MYT1L: variants seen among roughly 807,000 people sequenced by gnomAD.
MYT1L encodes the protein myelin transcription factor 1 like, also known as myelin transcription factor 1-like protein.
In MYT1L, 12 loss-of-function variants were observed where a neutral mutation model predicts 126.7. The ratio of observed to expected loss-of-function variants is 0.09; its 90% CI spans 0.06 to 0.15. The LOEUF (loss-of-function observed/expected upper bound fraction) is 0.15. MYT1L is among the 10% of genes least tolerant of loss of function. The pLI is 1.00. For missense variants in MYT1L, 979 were observed against 1,585.2 expected, an observed-to-expected ratio of 0.62 and a Z score of 6.49; for synonymous variants, 541 against 604.2, an observed-to-expected ratio of 0.90 and a Z score of 1.53.
chr2:1,966,732 T>C (rs542137970), intron 8 of MYT1L, among the ~76,000 whole-genome samples: 2 of 151,554 alleles, frequency 1.3e-5, no homozygotes, highest in South Asian at 4.2e-4. Context: ...AACTAAAACA[T>C]TTAATGGGTA....
intron 8 of MYT1L, among the ~76,000 whole-genome samples, chr2:1,970,435 C>T (rs1308665476): frequency 1.3e-5 from 2 of 152,208 alleles, no homozygotes; most frequent in African/African-American, 2.4e-5. Context: ...CCCCAGCCCC[C>T]ATCTCACCAG....
chr2:2,042,913 G>A (rs1016935443), intron 4 of MYT1L, among the ~76,000 whole-genome samples: 5 of 152,160 alleles, frequency 3.3e-5, no homozygotes, highest in African/African-American at 1.2e-4. Context: ...CTGCAGGCAG[G>A]GTCTTCCCAA....
At chr2:1,821,387 T>G (rs1393607161) in intron 21 of MYT1L, among the ~76,000 whole-genome samples, 1 of 152,188 alleles carries the variant, frequency 6.6e-6, no homozygotes, top group Non-Finnish European at 1.5e-5. Flanking sequence ...ATTTTACATT[T>G]TAACTTTCAA....
intron 3 of MYT1L, among the ~76,000 whole-genome samples, chr2:2,088,274 T>G (rs114651712): frequency 5.9e-5 from 9 of 152,140 alleles, no homozygotes; most frequent in Non-Finnish European, 1.2e-4. Flanking sequence ...ATAAAATGCA[T>G]TGGGAGAGCA....
At chr2:1,849,602 C>T (rs531512690) in intron 19 of MYT1L, among the ~76,000 whole-genome samples, 2 of 152,344 alleles carry the variant, frequency 1.3e-5, no homozygotes, top group East Asian at 3.9e-4. Flanking sequence ...CCCAGGGGTG[C>T]CGCACAGGTC....
intron 2 of MYT1L, among the ~76,000 whole-genome samples, chr2:2,197,170 G>A (rs921643795): frequency 1.3e-5 from 2 of 152,126 alleles, no homozygotes; most frequent in African/African-American, 4.8e-5. Context: ...AAATATGGCT[G>A]AGAAATAGAT....
intron 22 of MYT1L, among the ~76,000 whole-genome samples, chr2:1,805,625 CCTGTAAT>C (rs2147951182): frequency 6.6e-6 from 1 of 152,284 alleles, no homozygotes; most frequent in South Asian, 2.1e-4. Context: ...GTGGCTTACA[CCTGTAAT>C]CCCAGCACTT....
chr2:2,058,086 T>C (rs1366350289), intron 3 of MYT1L, among the ~76,000 whole-genome samples: 1 of 152,238 alleles, frequency 6.6e-6, no homozygotes, highest in Non-Finnish European at 1.5e-5. Flanking sequence ...TTTCTCATTG[T>C]CTTAGTCAAA....
At chr2:1,804,427 T>C (rs1448276377) in intron 22 of MYT1L, among the ~76,000 whole-genome samples, 1 of 152,092 alleles carries the variant, frequency 6.6e-6, no homozygotes, top group Non-Finnish European at 1.5e-5. Flanking sequence ...CAGCCACAAC[T>C]AGGGTTTTAT....
intron 1 of MYT1L, among the ~76,000 whole-genome samples, chr2:2,297,002 G>T (rs2095704760): frequency 6.6e-6 from 1 of 152,210 alleles, no homozygotes; most frequent in African/African-American, 2.4e-5. Context: ...GGAAGCTGGA[G>T]GACCTTTCGG....
In MYT1L at chr2:2,068,906, C is replaced by T. The variant is rs980376500; in HGVS notation, c.-303-14783G>A. 3.3e-5 allele frequency among the ~76,000 whole-genome samples: 5 copies of T among 150,040 alleles called. No individual in the cohort carries two copies. The Admixed American group carries it at 3.4e-4, about 10-fold the overall frequency. ...TTGGTAAGTAGGATAAGAACATTTC[C>T]CTCTATGAATCTGATTTTAAAATTC... On this transcript the variant is annotated intron_variant, in intron 3 of 24. Coordinates refer to ENST00000647738, the MANE Select transcript of MYT1L (RefSeq NM_001303052.2).
rs890452802 is a variant in MYT1L, at chr2:1,806,921, C to T, written c.3172+2155G>A. Among the ~76,000 whole-genome samples the T allele has an allele frequency of 1.3e-5, 2 of 152,196 alleles. No individual in the cohort carries two copies. Among genetic ancestry groups the T allele is most frequent in the Admixed American group, 6.5e-5 (1 of 15,282 alleles). ...CCCTCTAAGTATTTTGAAAAGCGCC[C>T]GGCATGCAGATGGGGCTTAGGGAAT... On this transcript the variant is annotated intron_variant, in intron 22 of 24. Coordinates refer to ENST00000647738, the MANE Select transcript of MYT1L (RefSeq NM_001303052.2). This position sits in a 1 kb window ranked among gnomAD's most constrained non-coding sequence, Gnocchi z 4.9.
intron 2 of MYT1L, among the ~76,000 whole-genome samples, chr2:2,272,259 C>CT (rs1229990514): frequency 2.6e-5 from 4 of 152,166 alleles, no homozygotes; most frequent in African/African-American, 4.8e-5. Context: ...CCCAACACTG[C>CT]TGGGTTCCAG....
At chr2:2,270,088 C>A (rs897146913) in intron 2 of MYT1L, among the ~76,000 whole-genome samples, 4 of 152,164 alleles carry the variant, frequency 2.6e-5, no homozygotes, top group Non-Finnish European at 5.9e-5. Flanking sequence ...CATGAAGGGA[C>A]TGGTGTCCTT....
chr2:2,215,941 A>C (rs1171142024), intron 2 of MYT1L, among the ~76,000 whole-genome samples: 1 of 152,024 alleles, frequency 6.6e-6, no homozygotes, highest in Non-Finnish European at 1.5e-5. Flanking sequence ...TACTGTCTTC[A>C]TGTTAGTGAA....
intron 13 of MYT1L, among the ~76,000 whole-genome samples, chr2:1,907,357 G>C (rs971845475): frequency 6.6e-6 from 1 of 152,164 alleles, no homozygotes; most frequent in African/African-American, 2.4e-5. Flanking sequence ...TCCAGGAAAA[G>C]AAACTCAGCA....
At chr2:2,206,058 C>G (rs921635654) in intron 2 of MYT1L, among the ~76,000 whole-genome samples, 2 of 151,790 alleles carry the variant, frequency 1.3e-5, no homozygotes, top group African/African-American at 2.4e-5. Flanking sequence ...TTTTGGCCCA[C>G]TGCAGCCTCC....
At chr2:2,032,673 AC>A (rs1274275603) in intron 4 of MYT1L, among the ~76,000 whole-genome samples, 4 of 110,438 alleles carry the variant, frequency 3.6e-5, no homozygotes, top group African/African-American at 7.5e-5. Flanking sequence ...CCTTACACAC[AC>A]CCCTCGCAAG....
chr2:1,795,269 G>A (rs1414198365), intron 23 of MYT1L, among the ~76,000 whole-genome samples: 1 of 152,232 alleles, frequency 6.6e-6, no homozygotes, highest in Non-Finnish European at 1.5e-5. Flanking sequence ...AGGCATGTTT[G>A]CAGTGAGAAG....
Sources: allele counts gnomAD v4.1 joint callset (sites outside exome capture counted in the v4.1 genomes callset), GRCh38; gene constraint gnomAD v4.1.1; non-coding constraint Gnocchi (gnomAD v3.1); transcripts MANE v1.5; gene names NCBI Gene and HGNC (gene_info 2026-07-23, HGNC 2026-07-21).